DNAH5: variants seen among roughly 807,000 people sequenced by gnomAD.
DNAH5 encodes axonemal beta dynein heavy chain 5.
In DNAH5, 372 loss-of-function variants were observed where a neutral mutation model predicts 518.2. That is an observed-to-expected ratio of 0.72 (90% CI 0.66 to 0.78). The LOEUF (loss-of-function observed/expected upper bound fraction) is 0.78. Among genes scored for constraint, DNAH5 ranks in the 30% least tolerant of loss-of-function variants. The pLI, the probability that DNAH5 is intolerant of heterozygous loss-of-function variation, is 0.00. For missense variants in DNAH5, 5,523 were observed against 5,687.0 expected (o/e 0.97, Z 0.93); for synonymous variants, 2,039 against 2,025.9 (o/e 1.01, Z -0.17).
intron 68 of DNAH5, among the ~76,000 whole-genome samples, chr5:13,731,293 A>G (rs1746510589): frequency 6.6e-6 from 1 of 152,238 alleles, no homozygotes; most frequent in African/African-American, 2.4e-5. Context: ...AAGACAATGC[A>G]TTGTGTTGAA....
At chr5:13,786,495 A>G in intron 51 of DNAH5, 144 bp from the exon 52 acceptor site, 1 of 796,316 alleles carries the variant, frequency 1.3e-6, no homozygotes, top group East Asian at 2.7e-5. Flanking sequence ...TTTTGCAAAA[A>G]CAGAAGACAA....
rs542588498 is a variant in DNAH5, at chr5:13,787,841, A to G, written c.8647+875T>C. On this transcript the variant is annotated intron_variant, in intron 51 of 78. Coordinates refer to ENST00000265104, the MANE Select transcript of DNAH5 (RefSeq NM_001369.3). ...ATTATTTTGCAATTGTCACTCAGAA[A>G]CTTTTGATAGTTCACATTTACAGTT... Among the ~76,000 whole-genome samples, 3 of 152,318 alleles carry G rather than the reference A, an allele frequency of 2.0e-5. No homozygotes were observed. In the South Asian group the frequency reaches 6.2e-4, roughly 32 times the overall value.
rs795524 is a variant in DNAH5 at position 13,851,041 on chromosome 5, T to C, written c.4951-226A>G. Among the ~76,000 whole-genome samples, 66,747 of 151,970 alleles carry C rather than the reference T, an allele frequency of 0.44. 14,879 individuals carry two copies. Among genetic ancestry groups the C allele is most frequent in the South Asian group, 0.5 (2,409 of 4,818 alleles). On this transcript the variant is annotated intron_variant, in intron 30 of 78. Coordinates refer to ENST00000265104, the MANE Select transcript of DNAH5 (RefSeq NM_001369.3). ...CCTTAGCTCAACCTTGGTACTCCCA[T>C]TATGTTAAGTTACAACAAGAAATGA...
chr5:13,954,584 T>C (rs370708752), intron 1 of DNAH5, among the ~76,000 whole-genome samples: 2 of 152,184 alleles, frequency 1.3e-5, no homozygotes, highest in African/African-American at 4.8e-5. Flanking sequence ...AAGGAAAACA[T>C]GTTCCTGAGA....
intron 1 of DNAH5, among the ~76,000 whole-genome samples, chr5:13,999,798 G>T (rs771256189): frequency 7.2e-5 from 11 of 152,188 alleles, no homozygotes; most frequent in Admixed American, 2.6e-4. Context: ...GCAGCATTCT[G>T]CATTTCTACC....
chr5:13,785,369 C>G (rs925559827), intron 52 of DNAH5, among the ~76,000 whole-genome samples: 2 of 152,082 alleles, frequency 1.3e-5, no homozygotes, highest in East Asian at 3.9e-4. Flanking sequence ...TGGTCTGCGG[C>G]CCCGGGGCTG....
At chr5:13,796,807 A>C (rs1757894545) in intron 47 of DNAH5, among the ~76,000 whole-genome samples, 1 of 152,204 alleles carries the variant, frequency 6.6e-6, no homozygotes, top group African/African-American at 2.4e-5. Flanking sequence ...ACTATACTAC[A>C]AGGCTACAGT....
At chr5:13,762,284 C>A (rs1751888777) in intron 60 of DNAH5, among the ~76,000 whole-genome samples, 1 of 152,202 alleles carries the variant, frequency 6.6e-6, no homozygotes, top group Non-Finnish European at 1.5e-5. Context: ...GAATACATCA[C>A]GTCTTAAGCC....
At chr5:13,926,511 A>C (rs2152001869) in intron 3 of DNAH5, among the ~76,000 whole-genome samples, 1 of 152,340 alleles carries the variant, frequency 6.6e-6, no homozygotes, top group African/African-American at 2.4e-5. Flanking sequence ...TGAGAAGTTC[A>C]ACCTTCAGAG....
intron 71 of DNAH5, among the ~76,000 whole-genome samples, chr5:13,720,419 A>G (rs1247994444): frequency 6.6e-6 from 1 of 152,170 alleles, no homozygotes; most frequent in Non-Finnish European, 1.5e-5. Flanking sequence ...GGTTTTTGAG[A>G]AAGTGTCTTG....
chr5:13,978,531 C>G (rs1166637179), intron 1 of DNAH5, among the ~76,000 whole-genome samples: 3 of 152,182 alleles, frequency 2.0e-5, no homozygotes, highest in Admixed American at 2.0e-4. Flanking sequence ...CAGTCACATA[C>G]CACATAACGA....
At chr5:13,946,796 T>C (rs147331331), upstream of DNAH5, among the ~76,000 whole-genome samples, 1,306 of 152,336 alleles carry the variant, frequency 8.6e-3, 19 homozygotes, top group African/African-American at 0.03. Context: ...GAAATCCAAG[T>C]ACCTGCAGGC....
At position 13,815,444 on chromosome 5, in the gene DNAH5, A is replaced by C. The variant is rs149616911; in HGVS notation, c.6989-598T>G. Among the ~76,000 whole-genome samples the C allele has an allele frequency of 7.2e-5, 11 of 152,252 alleles. No individual in the cohort carries two copies. The East Asian group carries it at 1.5e-3, about 21-fold the overall frequency. On this transcript the variant is annotated intron_variant, in intron 42 of 78. Coordinates refer to ENST00000265104, the MANE Select transcript of DNAH5 (RefSeq NM_001369.3). ...CATGAACAAGATTAGTGCCCCTATA[A>C]AGAGACCTCAGAGAACTCTCTTGCC...
intron 22 of DNAH5, among the ~76,000 whole-genome samples, chr5:13,875,020 T>C (rs1375823716): frequency 6.6e-6 from 1 of 152,242 alleles, no homozygotes; most frequent in African/African-American, 2.4e-5. Context: ...ATACTATGAC[T>C]AAGTGTACAT....
At chr5:13,880,189 A>G (rs1771462967) in intron 21 of DNAH5, among the ~76,000 whole-genome samples, 1 of 152,208 alleles carries the variant, frequency 6.6e-6, no homozygotes, top group Admixed American at 6.5e-5. Flanking sequence ...TAAGAATACT[A>G]TATCAAGCAA....
intron 47 of DNAH5, among the ~76,000 whole-genome samples, chr5:13,806,035 C>A (rs534828114): frequency 6.6e-6 from 1 of 151,982 alleles, no homozygotes; most frequent in African/African-American, 2.4e-5. Flanking sequence ...GAAAATCACC[C>A]CACATAATGA....
intron 1 of DNAH5, among the ~76,000 whole-genome samples, chr5:13,970,807 G>A (rs1170374280): frequency 6.6e-6 from 1 of 152,124 alleles, no homozygotes; most frequent in Non-Finnish European, 1.5e-5. Context: ...TGTTCTTTGA[G>A]CTTCTTTTAT....
intron 65 of DNAH5, among the ~76,000 whole-genome samples, chr5:13,740,080 T>C (rs1023281970): frequency 2.6e-5 from 4 of 152,138 alleles, no homozygotes; most frequent in African/African-American, 7.2e-5. Flanking sequence ...CTAGATGCTC[T>C]GGCCAAAACC....
chr5:13,751,311 T>A, intron 64 of DNAH5, 51 bp from the exon 65 acceptor site: 1 of 1,465,850 alleles, frequency 6.8e-7, no homozygotes, highest in Non-Finnish European at 9.4e-7. Context: ...TATACCTTAC[T>A]GTGTCTTTTT....
Sources: allele counts gnomAD v4.1 joint callset (sites outside exome capture counted in the v4.1 genomes callset), GRCh38; gene constraint gnomAD v4.1.1; transcripts MANE v1.5; gene names NCBI Gene and HGNC (gene_info 2026-07-23, HGNC 2026-07-21).